TRMT11: variants seen among roughly 807,000 people sequenced by gnomAD.
The protein encoded by TRMT11 is tRNA methyltransferase 11, also known as tRNA (guanine(10)-N(2))-methyltransferase TRMT11.
TRMT11 carries 53 observed loss-of-function variants against 62.8 expected under a neutral mutation model. That is an observed-to-expected ratio of 0.84 (90% CI 0.68 to 1.06). TRMT11 has a LOEUF of 1.06. TRMT11 is among the 50% of genes least tolerant of loss of function. The pLI is 0.00. For synonymous variants in TRMT11, 188 were observed against 190.3 expected (o/e 0.99, Z 0.10); for missense variants, 556 against 553.4 (o/e 1.00, Z -0.05).
chr6:126,141,992 C>G (rs1562332345), intron 21 of TRMT11, among the ~76,000 whole-genome samples: 1 of 152,014 alleles, frequency 6.6e-6, no homozygotes, highest in Non-Finnish European at 1.5e-5. Context: ...CTTAAAATTT[C>G]AAATCGAAGA....
chr6:126,250,481 A>T, the TRMT11 span, among the ~76,000 whole-genome samples: 9 of 152,354 alleles, frequency 5.9e-5, no homozygotes, highest in Admixed American at 5.9e-4. Flanking sequence ...AAATGAAAGG[A>T]TCATGATATA....
chr6:126,238,562 T>C, the TRMT11 span, among the ~76,000 whole-genome samples: 2 of 152,332 alleles, frequency 1.3e-5, no homozygotes, highest in East Asian at 3.9e-4. Flanking sequence ...TTGATTGCAC[T>C]GTGGTCTGAG....
intron 17 of TRMT11, among the ~76,000 whole-genome samples, chr6:126,068,998 C>A (rs1161037327): frequency 6.6e-6 from 1 of 152,224 alleles, no homozygotes; most frequent in East Asian, 1.9e-4. Context: ...TGAAAGCCAT[C>A]TGCTCTTTAT....
the TRMT11 span, among the ~76,000 whole-genome samples, chr6:126,253,591 G>GTGTCACTAGGTGA: frequency 1.3e-5 from 2 of 152,202 alleles, no homozygotes; most frequent in Non-Finnish European, 2.9e-5. Flanking sequence ...TTGTGTGACT[G>GTGTCACTAGGTGA]TGTCACTAGG....
the TRMT11 span, among the ~76,000 whole-genome samples, chr6:126,224,273 T>C: frequency 6.5e-3 from 991 of 152,338 alleles, 17 homozygotes; most frequent in African/African-American, 0.023. Flanking sequence ...TGTGGGTTGA[T>C]GAGAATTCTT....
At chr6:126,151,553 C>G (rs186023801) in intron 21 of TRMT11, among the ~76,000 whole-genome samples, 4 of 152,192 alleles carry the variant, frequency 2.6e-5, no homozygotes, top group Admixed American at 6.5e-5. Context: ...ACCCAAGGAA[C>G]GATTGTTAAC....
the TRMT11 span, among the ~76,000 whole-genome samples, chr6:126,213,334 T>C: frequency 6.6e-6 from 1 of 152,120 alleles, no homozygotes; most frequent in Non-Finnish European, 1.5e-5. Context: ...TTATAGGAAT[T>C]GCATTGAATC....
At chr6:126,232,821 T>C in the TRMT11 span, among the ~76,000 whole-genome samples, 1 of 152,224 alleles carries the variant, frequency 6.6e-6, no homozygotes, top group East Asian at 1.9e-4. Context: ...GAATCCATCA[T>C]TTATGTGAAG....
At chr6:126,018,206 A>C (rs1303665542) in intron 11 of TRMT11, among the ~76,000 whole-genome samples, 4 of 152,232 alleles carry the variant, frequency 2.6e-5, no homozygotes, top group Non-Finnish European at 5.9e-5. Flanking sequence ...CTTGGAAATA[A>C]ATTTTGATTG....
the TRMT11 span, among the ~76,000 whole-genome samples, chr6:126,253,655 C>G: frequency 6.6e-6 from 1 of 152,188 alleles, no homozygotes; most frequent in African/African-American, 2.4e-5. Context: ...TATACCCTTA[C>G]AGGACCATCG....
chr6:126,228,606 G>A, the TRMT11 span, among the ~76,000 whole-genome samples: 1 of 152,176 alleles, frequency 6.6e-6, no homozygotes, highest in East Asian at 1.9e-4. Flanking sequence ...TTAAGCGCCT[G>A]CTGGTGTGGA....
chr6:126,208,905 T>A, the TRMT11 span, among the ~76,000 whole-genome samples: 1 of 152,210 alleles, frequency 6.6e-6, no homozygotes, highest in Non-Finnish European at 1.5e-5. Context: ...CTAATATATA[T>A]AATTTACAAC....
chr6:126,119,354 T>C (rs1777623616), intron 21 of TRMT11, among the ~76,000 whole-genome samples: 1 of 152,028 alleles, frequency 6.6e-6, no homozygotes, highest in Non-Finnish European at 1.5e-5. Context: ...TCATAGTGTA[T>C]CACTCCTGTG....
chr6:126,037,162 T>A (rs1481124272), intron 12 of TRMT11, among the ~76,000 whole-genome samples: 4 of 151,998 alleles, frequency 2.6e-5, no homozygotes, highest in African/African-American at 9.7e-5. Flanking sequence ...CCTCATTACA[T>A]TGTAATTAAG....
At chr6:126,214,039 C>A in the TRMT11 span, among the ~76,000 whole-genome samples, 5 of 152,016 alleles carry the variant, frequency 3.3e-5, no homozygotes, top group Non-Finnish European at 5.9e-5. Flanking sequence ...TGATGAGTCA[C>A]ATTAATTGAT....
At chr6:126,170,883 C>T (rs1317674185) in intron 21 of TRMT11, among the ~76,000 whole-genome samples, 1 of 152,146 alleles carries the variant, frequency 6.6e-6, no homozygotes, top group Non-Finnish European at 1.5e-5. Context: ...TTACAAGGCA[C>T]AGTAGAATAA....
At chr6:126,159,301 C>T (rs1046068262) in intron 21 of TRMT11, among the ~76,000 whole-genome samples, 2 of 152,106 alleles carry the variant, frequency 1.3e-5, no homozygotes, top group African/African-American at 4.8e-5. Flanking sequence ...TCTGCAAATA[C>T]CTTAGGCTTT....
At chr6:126,123,922 C>G (rs1161914024) in intron 21 of TRMT11, among the ~76,000 whole-genome samples, 2 of 151,678 alleles carry the variant, frequency 1.3e-5, no homozygotes, top group Non-Finnish European at 1.5e-5. Flanking sequence ...AAAACTTAAG[C>G]TTTTGATTGA....
At chr6:126,177,040 G>A (rs1383800731), upstream of TRMT11, among the ~76,000 whole-genome samples, 1 of 151,962 alleles carries the variant, frequency 6.6e-6, no homozygotes, top group African/African-American at 2.4e-5. Context: ...AATTGTGGCT[G>A]AAGAAAAGTT....
Sources: allele counts gnomAD v4.1 joint callset (sites outside exome capture counted in the v4.1 genomes callset), GRCh38; gene constraint gnomAD v4.1.1; transcripts MANE v1.5; gene names NCBI Gene and HGNC (gene_info 2026-07-23, HGNC 2026-07-21).